ZMYM1: variants seen among roughly 807,000 people sequenced by gnomAD.
ZMYM1 encodes zinc finger MYM-type protein 1.
A neutral mutation model predicts 60.0 loss-of-function variants in ZMYM1; 39 were observed. The observed-to-expected ratio is 0.65, with a 90% CI of 0.50 to 0.85. The LOEUF is 0.85. Ranked by LOEUF, ZMYM1 falls within the 40% of genes least tolerant of loss-of-function variation. The pLI, the probability that ZMYM1 is intolerant of heterozygous loss-of-function variation, is 0.00. For synonymous variants in ZMYM1, 413 were observed against 454.0 expected (o/e 0.91, Z 1.15); for missense variants, 1,171 against 1,309.5 (o/e 0.89, Z 1.63).
intron 1 of ZMYM1, among the ~76,000 whole-genome samples, chr1:35,079,665 G>A (rs189321729): frequency 1.3e-5 from 2 of 152,260 alleles, no homozygotes; most frequent in African/African-American, 4.8e-5. Context: ...TCATAGACTG[G>A]GGGGGTTAGT....
chr1:35,060,449 C>T (rs1428750970), intron 1 of ZMYM1, among the ~76,000 whole-genome samples: 2 of 151,984 alleles, frequency 1.3e-5, no homozygotes, highest in Non-Finnish European at 2.9e-5. Flanking sequence ...CGTGAGCCAC[C>T]GCGCCCGGCT....
intron 1 of ZMYM1, chr1:35,060,011 C>T (rs1356338667): frequency 1.3e-5 from 2 of 151,950 alleles, no homozygotes; most frequent in Admixed American, 1.3e-4. Flanking sequence ...ATCACTGAGT[C>T]TCAAGTCATT....
intron 2 of ZMYM1, among the ~76,000 whole-genome samples, chr1:35,095,307 C>G (rs1310940879): frequency 3.3e-5 from 5 of 151,450 alleles, no homozygotes; most frequent in African/African-American, 9.7e-5. Flanking sequence ...GCCAGGAGTT[C>G]AAGACCATGG....
chr1:35,075,332 T>C (rs1202897866), upstream of ZMYM1, among the ~76,000 whole-genome samples: 3 of 151,996 alleles, frequency 2.0e-5, no homozygotes, highest in African/African-American at 7.3e-5. Context: ...GCTTTTTTGT[T>C]GTTTTTTGTT....
intron 1 of ZMYM1, among the ~76,000 whole-genome samples, chr1:35,090,003 C>T (rs1455279016): frequency 6.6e-6 from 1 of 151,416 alleles, no homozygotes; most frequent in Non-Finnish European, 1.5e-5. Context: ...CTCCCGGGCT[C>T]ATGCCATTCT....
intron 1 of ZMYM1, among the ~76,000 whole-genome samples, chr1:35,087,457 G>A (rs928055671): frequency 1.4e-5 from 2 of 147,426 alleles, no homozygotes; most frequent in African/African-American, 2.5e-5. Flanking sequence ...ATGGAGTTTC[G>A]CTCTTCTTGC....
At chr1:35,096,181 G>T (rs183152537) in intron 3 of ZMYM1, among the ~76,000 whole-genome samples, 1 of 151,872 alleles carries the variant, frequency 6.6e-6, no homozygotes, top group Non-Finnish European at 1.5e-5. Context: ...GCGTGGTGGC[G>T]CATGCCTGTA....
chr1:35,080,386 G>A (rs939635323), intron 1 of ZMYM1, among the ~76,000 whole-genome samples: 1 of 150,754 alleles, frequency 6.6e-6, no homozygotes, highest in Admixed American at 6.6e-5. Flanking sequence ...CACGATCACG[G>A]CTCACAAGCA....
chr1:35,070,879 G>C (rs552945937), intron 1 of ZMYM1, among the ~76,000 whole-genome samples: 2 of 151,662 alleles, frequency 1.3e-5, no homozygotes, highest in East Asian at 3.9e-4. Context: ...TGAAATAATG[G>C]GTTTTTGGTT....
At chr1:35,080,158 A>G (rs1408688613) in intron 1 of ZMYM1, among the ~76,000 whole-genome samples, 1 of 152,120 alleles carries the variant, frequency 6.6e-6, no homozygotes, top group African/African-American at 2.4e-5. Flanking sequence ...CTGCTGATTT[A>G]CAAGATTAAT....
chr1:35,082,577 T>C (rs1245004280), intron 1 of ZMYM1, among the ~76,000 whole-genome samples: 1 of 151,406 alleles, frequency 6.6e-6, no homozygotes, highest in East Asian at 2.0e-4. Context: ...GTGATCCGCC[T>C]GCCTCAGCCT....
rs773005760 is a variant in ZMYM1, at chr1:35,104,345, C to T, written c.470C>T (p.Thr157Ile). Residue 157 changes from threonine (T) to isoleucine (I), a missense_variant, in exon 5 of 10, where the codon ACC becomes ATC. Physicochemically the swap from Thr to Ile is moderately conservative, Grantham distance 89. Coordinates refer to ENST00000359858, the MANE Select transcript of ZMYM1 (RefSeq NM_024772.5). Reference protein sequence around the residue: ...DVISVQLEDTTSCKTFCSLSC... With the variant: ...DVISVQLEDTISCKTFCSLSC... ...ATTAGTGTCCAGCTGGAAGACACTA[C>T]CTCTTGCAAAACTTTTTGCAGCCTA... 1.9e-6 allele frequency: 3 copies of T among 1,610,574 alleles called. No homozygotes were observed. The highest frequency in any genetic ancestry group is 2.5e-6 in the Non-Finnish European group (3 of 1,179,098).
At chr1:35,075,426 G>A (rs1008542734), upstream of ZMYM1, among the ~76,000 whole-genome samples, 2 of 151,910 alleles carry the variant, frequency 1.3e-5, no homozygotes, top group African/African-American at 4.8e-5. Flanking sequence ...CTGCCTCCTG[G>A]GTTCAAGTGA....
At chr1:35,072,236 A>G (rs113646177) in intron 1 of ZMYM1, among the ~76,000 whole-genome samples, 3,497 of 152,294 alleles carry the variant, frequency 0.023, 162 homozygotes, top group African/African-American at 0.08. Flanking sequence ...TACAGTTTCA[A>G]TTTCCTCACT....
intron 9 of ZMYM1, 28 bp downstream of exon 9, chr1:35,112,158 C>A: frequency 6.2e-7 from 1 of 1,608,732 alleles, no homozygotes; most frequent in Non-Finnish European, 8.5e-7. Context: ...TTACCACTGT[C>A]TTTTTTTAAT....
chr1:35,079,832 C>A (rs1045315175), intron 1 of ZMYM1, among the ~76,000 whole-genome samples: 18 of 152,252 alleles, frequency 1.2e-4, no homozygotes, highest in African/African-American at 4.3e-4. Context: ...TGACTCCTGG[C>A]CGGGCGTGGT....
intron 1 of ZMYM1, among the ~76,000 whole-genome samples, chr1:35,082,759 C>A (rs952664014): frequency 8.6e-5 from 13 of 151,512 alleles, no homozygotes; most frequent in African/African-American, 3.1e-4. Flanking sequence ...GCGGGTGGAT[C>A]ACCTGGGGTC....
intron 1 of ZMYM1, among the ~76,000 whole-genome samples, chr1:35,080,027 G>C (rs1642288952): frequency 1.3e-5 from 2 of 151,896 alleles, no homozygotes; most frequent in African/African-American, 2.4e-5. Context: ...CAGGAGAATC[G>C]CTTGAACCGG....
chr1:35,116,835 A>ATTTTTTTTTTTT (rs10671957), downstream of ZMYM1, among the ~76,000 whole-genome samples: 147 of 88,962 alleles, frequency 1.7e-3, 17 homozygotes, highest in African/African-American at 6.2e-3. Context: ...TAGGCCTGGA[A>ATTTTTTTTTTTT]TTTTTTTTTT....
Sources: allele counts gnomAD v4.1 joint callset (sites outside exome capture counted in the v4.1 genomes callset), GRCh38; gene constraint gnomAD v4.1.1; transcripts MANE v1.5; gene names NCBI Gene and HGNC (gene_info 2026-07-23, HGNC 2026-07-21).